Variants in KAZN observed in about 807,000 individuals in gnomAD.
KAZN encodes the protein kazrin, periplakin interacting protein.
In KAZN, 40 loss-of-function variants were observed where a neutral mutation model predicts 87.4. The ratio of observed to expected loss-of-function variants is 0.46; its 90% CI spans 0.36 to 0.60. KAZN has a LOEUF of 0.60. KAZN is among the 20% of genes least tolerant of loss of function. KAZN has a pLI of 0.00. For synonymous variants in KAZN, 466 were observed against 458.3 expected (o/e 1.02, Z -0.22); for missense variants, 898 against 1,073.9 (o/e 0.84, Z 2.29).
At chr1:14,040,613 T>C (rs1366746455) in intron 1 of KAZN, among the ~76,000 whole-genome samples, 1 of 151,848 alleles carries the variant, frequency 6.6e-6, no homozygotes, top group Non-Finnish European at 1.5e-5. Context: ...AATACAAAAA[T>C]TAGCCAGGCA....
At chr1:14,424,692 T>C (rs1451485116) in intron 2 of KAZN, among the ~76,000 whole-genome samples, 1 of 152,192 alleles carries the variant, frequency 6.6e-6, no homozygotes, top group Non-Finnish European at 1.5e-5. Flanking sequence ...ATGTTTACAT[T>C]GCAAAGAACC....
chr1:15,051,487 G>C (rs189204761), intron 4 of KAZN, among the ~76,000 whole-genome samples: 2 of 152,334 alleles, frequency 1.3e-5, no homozygotes, highest in East Asian at 1.9e-4. Flanking sequence ...CTTGACCCTG[G>C]TGTGAATTAC....
intron 1 of KAZN, among the ~76,000 whole-genome samples, chr1:14,842,517 G>A (rs1572627087): frequency 1.3e-5 from 2 of 152,218 alleles, no homozygotes; most frequent in South Asian, 4.1e-4. Flanking sequence ...GCCCTGTGAA[G>A]CCCTCGTTGT....
intron 1 of KAZN, among the ~76,000 whole-genome samples, chr1:14,836,581 G>A (rs1208601236): frequency 1.3e-5 from 2 of 152,060 alleles, no homozygotes; most frequent in Non-Finnish European, 2.9e-5. Flanking sequence ...CCTCTTTCCA[G>A]ACCCACTTTG....
At chr1:14,916,167 G>GTT (rs1557616892) in intron 1 of KAZN, among the ~76,000 whole-genome samples, 2 of 61,416 alleles carry the variant, frequency 3.3e-5, no homozygotes, top group Admixed American at 4.7e-4. Flanking sequence ...TTTCACTGTT[G>GTT]TTCTTTTTTT....
chr1:14,033,485 C>A (rs1411259564), intron 1 of KAZN, among the ~76,000 whole-genome samples: 1 of 152,210 alleles, frequency 6.6e-6, no homozygotes, highest in Non-Finnish European at 1.5e-5. Context: ...TCAGACATTG[C>A]CGTCTCCTGG....
At chr1:14,067,199 TC>T (rs1469167024) in intron 1 of KAZN, among the ~76,000 whole-genome samples, 1 of 152,152 alleles carries the variant, frequency 6.6e-6, no homozygotes, top group Non-Finnish European at 1.5e-5. Flanking sequence ...AACGGCTGTC[TC>T]CCCATAGCCT....
intron 1 of KAZN, among the ~76,000 whole-genome samples, chr1:14,088,972 TA>T (rs1643913050): frequency 6.6e-6 from 1 of 151,256 alleles, no homozygotes; most frequent in African/African-American, 2.4e-5. Context: ...TTTTTTTGAT[TA>T]GTGGTTGCAT....
At chr1:14,226,229 G>A (rs1040266677) in intron 2 of KAZN, among the ~76,000 whole-genome samples, 2 of 151,840 alleles carry the variant, frequency 1.3e-5, no homozygotes, top group African/African-American at 2.4e-5. Context: ...AAACAATCTC[G>A]TTAAAAAATG....
At chr1:14,559,290 A>C (rs996236640) in intron 2 of KAZN, among the ~76,000 whole-genome samples, 2 of 152,214 alleles carry the variant, frequency 1.3e-5, no homozygotes. Context: ...TGCATGTTGA[A>C]TGAATAATTC....
chr1:14,420,806 C>T (rs1356004724), intron 2 of KAZN, among the ~76,000 whole-genome samples: 1 of 151,872 alleles, frequency 6.6e-6, no homozygotes, highest in Non-Finnish European at 1.5e-5. Flanking sequence ...GAGTGCGGGG[C>T]CCACCGAGCC....
intron 1 of KAZN, among the ~76,000 whole-genome samples, chr1:14,831,562 C>T (rs1647050051): frequency 6.6e-6 from 1 of 152,220 alleles, no homozygotes; most frequent in Non-Finnish European, 1.5e-5. Flanking sequence ...CTGGCCAGCA[C>T]ACCACCATGA....
intron 1 of KAZN, among the ~76,000 whole-genome samples, chr1:14,746,668 G>GAGAT (rs1048403564): frequency 6.6e-6 from 1 of 152,122 alleles, no homozygotes; most frequent in African/African-American, 2.4e-5. Context: ...GGTGGAGAGG[G>GAGAT]AGATGGTGAG....
At chr1:14,476,917 C>T (rs1258244911) in intron 2 of KAZN, among the ~76,000 whole-genome samples, 2 of 152,198 alleles carry the variant, frequency 1.3e-5, no homozygotes, top group Non-Finnish European at 1.5e-5. Context: ...AAGGCCTTTG[C>T]ACCTCATGTT....
chr1:14,545,615 C>T (rs1673092166), intron 2 of KAZN, among the ~76,000 whole-genome samples: 2 of 152,090 alleles, frequency 1.3e-5, no homozygotes, highest in South Asian at 2.1e-4. Flanking sequence ...ATGTATCTGT[C>T]CGTATAGGCT....
chr1:14,405,689 C>G (rs12033343), intron 2 of KAZN, among the ~76,000 whole-genome samples: 21,835 of 151,114 alleles, frequency 0.14, 1,703 homozygotes, highest in East Asian at 0.23. Flanking sequence ...TTGGCACTCA[C>G]AAGATTATGG....
intron 2 of KAZN, among the ~76,000 whole-genome samples, chr1:14,335,354 C>T (rs1373904104): frequency 6.6e-6 from 1 of 152,010 alleles, no homozygotes; most frequent in East Asian, 1.9e-4. Flanking sequence ...AGGCATGTGC[C>T]ACCACACCTG....
chr1:14,315,061 A>G (rs1176323563), intron 2 of KAZN, among the ~76,000 whole-genome samples: 1 of 152,178 alleles, frequency 6.6e-6, no homozygotes, highest in Non-Finnish European at 1.5e-5. Context: ...TTGTTTATCC[A>G]TTCATCAGTT....
At chr1:13,983,984 T>G (rs1309927929) in intron 1 of KAZN, among the ~76,000 whole-genome samples, 1 of 152,030 alleles carries the variant, frequency 6.6e-6, no homozygotes, top group Non-Finnish European at 1.5e-5. Context: ...ATTACTTGTT[T>G]GGGGCCACAT....
Sources: allele counts gnomAD v4.1 joint callset (sites outside exome capture counted in the v4.1 genomes callset), GRCh38; gene constraint gnomAD v4.1.1; transcripts MANE v1.5; gene names NCBI Gene and HGNC (gene_info 2026-07-23, HGNC 2026-07-21).